The following TMEM74 variants were observed in gnomAD, a reference collection of about 807,000 sequenced individuals.
TMEM74 encodes the protein transmembrane protein 74.
A neutral mutation model predicts 18.1 loss-of-function variants in TMEM74; 13 were observed. The ratio of observed to expected loss-of-function variants is 0.72; its 90% CI spans 0.47 to 1.14. The LOEUF (loss-of-function observed/expected upper bound fraction) is 1.14. Ranked by LOEUF, TMEM74 falls within the 50% of genes most tolerant of loss-of-function variation. The pLI is 0.00. For synonymous variants in TMEM74, 159 were observed against 146.6 expected, an observed-to-expected ratio of 1.08 and a Z score of -0.61; for missense variants, 372 against 375.9, an observed-to-expected ratio of 0.99 and a Z score of 0.09.
intron 2 of TMEM74, among the ~76,000 whole-genome samples, chr8:108,636,837 TTTA>T (rs1812611498): frequency 6.8e-6 from 1 of 146,678 alleles, no homozygotes; most frequent in Non-Finnish European, 1.5e-5. Flanking sequence ...TCCAGATCTC[TTTA>T]CTGGCCATAA....
At chr8:108,770,601 G>T (rs973537443) in intron 1 of TMEM74, among the ~76,000 whole-genome samples, 2 of 152,148 alleles carry the variant, frequency 1.3e-5, no homozygotes, top group African/African-American at 4.8e-5. Flanking sequence ...TATGCTGACA[G>T]GTTCTTCTTT....
chr8:108,671,347 C>A (rs974278567), intron 1 of TMEM74, among the ~76,000 whole-genome samples: 1 of 152,160 alleles, frequency 6.6e-6, no homozygotes, highest in Non-Finnish European at 1.5e-5. Context: ...CCACATTGCC[C>A]ATGGAGCTGT....
rs534330891 is a variant in TMEM74 at position 108,739,834 on chromosome 8, C to T, written n.119+47642G>A. Among the ~76,000 whole-genome samples the T allele has an allele frequency of 3.9e-5, 6 of 152,154 alleles. No homozygotes were observed. The South Asian group carries it at 1.2e-3, about 32-fold the overall frequency. ...TGGTTTTTGGGGTGATCAGACCCAA[C>T]ACCAGGTCATGGGGGCAACGAAGTC... On this transcript the variant is annotated intron_variant and non_coding_transcript_variant, in intron 1 of 3. Transcript: ENST00000518838.
chr8:108,633,182 T>C (rs898026907), intron 2 of TMEM74, among the ~76,000 whole-genome samples: 7 of 152,098 alleles, frequency 4.6e-5, no homozygotes, highest in South Asian at 2.1e-4. Context: ...GCTGACTTTT[T>C]CCCCCACCAT....
In TMEM74 at chr8:108,650,707, T is replaced by TTTA. The variant is rs564524164; in HGVS notation, n.264+4583_264+4585dup. 8.1e-3 allele frequency among the ~76,000 whole-genome samples: 1,234 copies of TTTA among 152,016 alleles called. 19 individuals carry two copies. Among genetic ancestry groups the TTTA allele is most frequent in the African/African-American group, 0.026 (1,089 of 41,470 alleles). ...TATTCTCATTGAGGCATTCTTTTTA[T>TTTA]TTATTTATTTATTTATTTTTTAGAT... On this transcript the variant is annotated intron_variant and non_coding_transcript_variant, in intron 2 of 3. Transcript: ENST00000518838.
chr8:108,762,152 C>T (rs992863225), intron 1 of TMEM74, among the ~76,000 whole-genome samples: 3 of 152,124 alleles, frequency 2.0e-5, no homozygotes, highest in South Asian at 2.1e-4. Flanking sequence ...GAATGAAAGC[C>T]TCTTTGCCCA....
intron 1 of TMEM74, among the ~76,000 whole-genome samples, chr8:108,742,170 A>AG (rs1028152235): frequency 2.0e-5 from 3 of 152,116 alleles, no homozygotes; most frequent in African/African-American, 7.2e-5. Context: ...GGAGAGGAGC[A>AG]GAAAAAAAAT....
At chr8:108,754,193 C>G (rs1325770754) in intron 1 of TMEM74, among the ~76,000 whole-genome samples, 1 of 152,120 alleles carries the variant, frequency 6.6e-6, no homozygotes, top group African/African-American at 2.4e-5. Flanking sequence ...TTAATTGTAT[C>G]TCCTACTCCC....
intron 1 of TMEM74, among the ~76,000 whole-genome samples, chr8:108,662,013 G>C (rs1812904667): frequency 6.6e-6 from 1 of 152,114 alleles, no homozygotes; most frequent in Non-Finnish European, 1.5e-5. Context: ...GGATTTCAGA[G>C]ATAACAGTCC....
rs767357286 is a variant in TMEM74, at chr8:108,784,940, G to T, written c.159C>A (p.Thr53=). ...AACTAAGTTTAGACCCTTCCATCTC[G>T]GTTGCTCTTGGGGTGGATGCACACT... ...QKQCASTPRA[T]EMEGSKLSSS... is the part of the protein sequence containing the mutation. The change falls in exon 2 of 2, where the codon ACC becomes ACA. Residue 53 remains threonine (T), a synonymous_variant. Coordinates refer to ENST00000297459, the MANE Select transcript of TMEM74 (RefSeq NM_153015.3). The T allele has an allele frequency of 4.6e-5, 74 of 1,614,016 alleles. No individual in the cohort carries two copies. The highest frequency in any genetic ancestry group is 5.3e-5 in the Non-Finnish European group (62 of 1,180,024).
At chr8:108,626,111 C>T (rs1812490268) in intron 2 of TMEM74, among the ~76,000 whole-genome samples, 1 of 151,992 alleles carries the variant, frequency 6.6e-6, no homozygotes, top group South Asian at 2.1e-4. Flanking sequence ...TGACTCAAGA[C>T]AAATTTCTTT....
chr8:108,646,602 G>C (rs1054833080), intron 2 of TMEM74, among the ~76,000 whole-genome samples: 10 of 152,092 alleles, frequency 6.6e-5, no homozygotes, highest in Non-Finnish European at 1.3e-4. Flanking sequence ...AAAAAGCCTA[G>C]AATTTGTTGT....
chr8:108,741,745 A>T (rs756127902), intron 1 of TMEM74, among the ~76,000 whole-genome samples: 52 of 152,338 alleles, frequency 3.4e-4, no homozygotes, highest in Non-Finnish European at 6.6e-4. Context: ...GGAAACAAGG[A>T]TACCTTACTA....
intron 1 of TMEM74, among the ~76,000 whole-genome samples, chr8:108,670,035 GAAAAAAAAA>G (rs1192889404): frequency 1.6e-5 from 1 of 60,846 alleles, no homozygotes; most frequent in African/African-American, 5.1e-5. Context: ...AAGATTCTGT[GAAAAAAAAA>G]AAAAAAAAAA....
intron 1 of TMEM74, among the ~76,000 whole-genome samples, chr8:108,680,354 G>T (rs184041180): frequency 2.0e-5 from 3 of 152,270 alleles, no homozygotes; most frequent in African/African-American, 7.2e-5. Flanking sequence ...ATGCAAGGCT[G>T]GTTCAACAAA....
At chr8:108,768,898 T>C (rs765616328) in intron 1 of TMEM74, among the ~76,000 whole-genome samples, 2 of 152,192 alleles carry the variant, frequency 1.3e-5, no homozygotes, top group Non-Finnish European at 2.9e-5. Flanking sequence ...AAATTTCCCA[T>C]GGACCCTTTG....
chr8:108,717,973 T>G (rs1813544314), intron 1 of TMEM74, among the ~76,000 whole-genome samples: 1 of 61,970 alleles, frequency 1.6e-5, no homozygotes, highest in African/African-American at 1.4e-4. Flanking sequence ...TTTTTTTTTT[T>G]TTTGAGACGG....
chr8:108,782,784 G>A lies in TMEM74; in HGVS notation c.*1397C>T, dbSNP rs1379011927. ...CCCCTGATCCTGGTAACACAATCAT[G>A]GAAGTTACAACAACTCTTAGAGCAC... is the stretch of plus-strand genomic sequence containing the variant. On this transcript the variant is annotated 3_prime_UTR_variant, in exon 2 of 2. Transcript: ENST00000297459. Among the ~76,000 whole-genome samples the A allele has an allele frequency of 6.6e-6, 1 of 152,192 alleles. No homozygotes were observed. Among genetic ancestry groups the A allele is most frequent in the Non-Finnish European group, 1.5e-5 (1 of 68,050 alleles).
intron 2 of TMEM74, among the ~76,000 whole-genome samples, chr8:108,612,657 T>G (rs1003846768): frequency 6.6e-6 from 1 of 152,190 alleles, no homozygotes; most frequent in Admixed American, 6.5e-5. Flanking sequence ...GCTCCACACA[T>G]GCATTTAGTA....
Sources: allele counts gnomAD v4.1 joint callset (sites outside exome capture counted in the v4.1 genomes callset), GRCh38; gene constraint gnomAD v4.1.1; transcripts MANE v1.5; gene names NCBI Gene and HGNC (gene_info 2026-07-23, HGNC 2026-07-21).